PCDHA3: variants seen among roughly 807,000 people sequenced by gnomAD.
PCDHA3 encodes protocadherin alpha 3, also known as protocadherin alpha-3.
Under a neutral mutation model 62.2 loss-of-function variants are expected in PCDHA3, and 41 were observed. The observed-to-expected ratio is 0.66, with a 90% CI of 0.51 to 0.86. The LOEUF (loss-of-function observed/expected upper bound fraction) is 0.86. Ranked by LOEUF, PCDHA3 falls within the 40% of genes least tolerant of loss-of-function variation. The probability of loss-of-function intolerance (pLI) is 0.00; values close to 1 mark genes in which losing one functional copy is unlikely to be tolerated. For synonymous variants in PCDHA3, 640 were observed against 555.4 expected, an observed-to-expected ratio of 1.15 and a Z score of -2.14; for missense variants, 1,304 against 1,241.2, an observed-to-expected ratio of 1.05 and a Z score of -0.76.
At chr5:140,978,827 G>T (rs2096825118) in intron 1 of PCDHA3, 122 bp from the exon 2 acceptor site, 2 of 1,528,744 alleles carry the variant, frequency 1.3e-6, no homozygotes, top group Admixed American at 2.0e-5. Flanking sequence ...ACATGAAATG[G>T]CTCATTCAAT....
chr5:140,835,506 T>A (rs1261915665), intron 1 of PCDHA3: 2 of 1,613,822 alleles, frequency 1.2e-6, no homozygotes, highest in Non-Finnish European at 1.7e-6. Flanking sequence ...GATTAGCGTG[T>A]TTGACCGAGA....
At chr5:140,907,341 G>A (rs376587538) in intron 1 of PCDHA3, among the ~76,000 whole-genome samples, 1 of 152,326 alleles carries the variant, frequency 6.6e-6, no homozygotes, top group South Asian at 2.1e-4. Context: ...ATATGCATGA[G>A]CCCGCTGCTG....
intron 1 of PCDHA3, among the ~76,000 whole-genome samples, chr5:140,806,667 A>G (rs371669670): frequency 1.3e-5 from 2 of 152,254 alleles, no homozygotes; most frequent in East Asian, 3.8e-4. Context: ...TAATAAAAAA[A>G]AACCCTGGAA....
At chr5:140,816,507 T>TTGTGTTTG (rs1765923153) in intron 1 of PCDHA3, 1 of 149,440 alleles carries the variant, frequency 6.7e-6, no homozygotes, top group Non-Finnish European at 1.5e-5. Flanking sequence ...GGAGGTGTGT[T>TTGTGTTTG]TGTGTGTGTG....
chr5:140,943,359 G>T (rs1374185019), intron 1 of PCDHA3, among the ~76,000 whole-genome samples: 2 of 151,772 alleles, frequency 1.3e-5, no homozygotes, highest in Non-Finnish European at 2.9e-5. Flanking sequence ...TAGAGGAAAG[G>T]AGATCATTAA....
chr5:140,937,648 CACGCCTGTAATCCCAGCACT>C (rs1554211703), intron 1 of PCDHA3, among the ~76,000 whole-genome samples: 3 of 150,626 alleles, frequency 2.0e-5, no homozygotes, highest in South Asian at 4.2e-4. Flanking sequence ...CATGGTGGCT[CACGCCTGTAATCCCAGCACT>C]TTGGGAGGCT....
At chr5:140,992,999 C>G (rs1254110475) in intron 3 of PCDHA3, among the ~76,000 whole-genome samples, 4 of 152,188 alleles carry the variant, frequency 2.6e-5, no homozygotes, top group African/African-American at 9.7e-5. Flanking sequence ...CATGAAAGAG[C>G]CTCCCCAGAG....
At chr5:140,880,796 T>C (rs538689350) in intron 1 of PCDHA3, among the ~76,000 whole-genome samples, 4 of 152,180 alleles carry the variant, frequency 2.6e-5, no homozygotes, top group Non-Finnish European at 5.9e-5. Context: ...GTAATATAAA[T>C]AGGTGAATGA....
chr5:140,926,830 G>T (rs2083580756), intron 1 of PCDHA3: 2 of 1,503,958 alleles, frequency 1.3e-6, no homozygotes, highest in Non-Finnish European at 1.8e-6. Context: ...CAGGAGTCCG[G>T]AGCATGGTCC....
intron 3 of PCDHA3, among the ~76,000 whole-genome samples, chr5:140,994,367 G>C (rs2097617491): frequency 6.6e-6 from 1 of 152,110 alleles, no homozygotes; most frequent in African/African-American, 2.4e-5. Context: ...AGATGGAATT[G>C]GAAATTCAGG....
At chr5:140,953,948 C>T (rs1012464637) in intron 1 of PCDHA3, among the ~76,000 whole-genome samples, 1 of 152,092 alleles carries the variant, frequency 6.6e-6, no homozygotes, top group Non-Finnish European at 1.5e-5. Flanking sequence ...CATTGCTCCC[C>T]CAACAGGCCC....
chr5:140,985,505 T>C (rs2097155238), intron 3 of PCDHA3, among the ~76,000 whole-genome samples: 1 of 152,188 alleles, frequency 6.6e-6, no homozygotes, highest in Non-Finnish European at 1.5e-5. Flanking sequence ...CTGCCTTTCA[T>C]TGATTCTGTT....
chr5:140,968,328 A>AT (rs1554230627), intron 1 of PCDHA3: 1 of 1,614,076 alleles, frequency 6.2e-7, no homozygotes, highest in South Asian at 1.1e-5. Flanking sequence ...GTCACCTCCT[A>AT]TGTCTCCATT....
intron 1 of PCDHA3, 160 bp downstream of exon 1, chr5:140,803,751 G>A: frequency 7.7e-7 from 1 of 1,306,290 alleles, no homozygotes; most frequent in Non-Finnish European, 1.0e-6. Flanking sequence ...TAAGATTTTT[G>A]TTGCTAATTT....
chr5:140,808,330 C>A, intron 1 of PCDHA3: 1 of 1,614,262 alleles, frequency 6.2e-7, no homozygotes, highest in East Asian at 2.2e-5. Flanking sequence ...ACATGGGTGT[C>A]AATGGGCTGG....
In PCDHA3 at chr5:140,884,236, G is replaced by A. The variant is rs368136155; in HGVS notation, c.2394+80645G>A. ...TGGTGCTGGTGAAGGACCACGGTGAGCCCGCGCTGACGGCCACGGCAACGG... is the reference window on the plus strand; with the variant it reads ...TGGTGCTGGTGAAGGACCACGGTGAACCCGCGCTGACGGCCACGGCAACGG... On this transcript the variant is annotated intron_variant, in intron 1 of 3. Transcript: ENST00000522353. 11 of 1,613,334 alleles carry A rather than the reference G, an allele frequency of 6.8e-6. No homozygotes were observed. The African/African-American group carries it at 1.2e-4, about 18-fold the overall frequency.
chr5:140,856,332 G>A, intron 1 of PCDHA3: 2 of 1,598,636 alleles, frequency 1.3e-6, no homozygotes, highest in East Asian at 2.2e-5. Context: ...GAGGAGCTGT[G>A]CGGGCGGAGC....
intron 3 of PCDHA3, among the ~76,000 whole-genome samples, chr5:140,986,316 C>T (rs1407067646): frequency 2.0e-5 from 3 of 152,146 alleles, no homozygotes; most frequent in African/African-American, 7.2e-5. Context: ...TTAGCTAAAT[C>T]AGGAATGCAG....
intron 1 of PCDHA3, chr5:140,812,808 T>TA (rs1581722894): frequency 6.6e-6 from 1 of 152,358 alleles, no homozygotes; most frequent in East Asian, 1.9e-4. Flanking sequence ...TGTAAGTTTT[T>TA]ATTGTGTTGT....
Sources: gnomAD v4.1 joint callset for allele counts (sites outside exome capture counted in the v4.1 genomes callset) on GRCh38, gnomAD v4.1.1 for gene constraint, MANE v1.5 for transcripts, NCBI Gene and HGNC (gene_info 2026-07-23, HGNC 2026-07-21) for gene names.